Variants in DCAF12 observed in about 807,000 individuals in gnomAD.
DCAF12 encodes the protein DDB1 and CUL4 associated factor 12.
Under a neutral mutation model 52.8 loss-of-function variants are expected in DCAF12, and 28 were observed. The ratio of observed to expected loss-of-function variants is 0.53; its 90% CI spans 0.39 to 0.73. The LOEUF is 0.73. Ranked by LOEUF, DCAF12 falls within the 30% of genes least tolerant of loss-of-function variation. The probability of loss-of-function intolerance (pLI) is 0.00; values close to 1 mark genes in which losing one functional copy is unlikely to be tolerated. For synonymous variants in DCAF12, 196 were observed against 215.5 expected (o/e 0.91, Z 0.79); for missense variants, 425 against 552.2 (o/e 0.77, Z 2.31).
chr9:34,115,607 A>G (rs776530184), intron 2 of DCAF12, among the ~76,000 whole-genome samples: 23 of 150,566 alleles, frequency 1.5e-4, no homozygotes, highest in Non-Finnish European at 1.5e-4. Flanking sequence ...CAAAAAAAAA[A>G]AAGTATATAT....
intron 4 of DCAF12, 31 bp from the exon 5 acceptor site, chr9:34,098,548 T>C (rs772545356): frequency 3.8e-6 from 6 of 1,597,742 alleles, no homozygotes; most frequent in Non-Finnish European, 5.1e-6. Flanking sequence ...AGATGTCAGA[T>C]GTACCCACCC....
rs373695590 is a variant in DCAF12, at chr9:34,109,005, G to GT, written c.334-1441dup. Among the ~76,000 whole-genome samples the GT allele has an allele frequency of 2.8e-4, 38 of 137,686 alleles. 1 individual carries two copies. Among genetic ancestry groups the GT allele is most frequent in the East Asian group, 1.1e-3 (5 of 4,720 alleles). The allele number at this position is 137,686 out of a possible 152,430, so 90.3% of individuals were successfully genotyped here. A position where few individuals can be genotyped will look rare whatever the true frequency, so the allele number is the denominator to read the frequency against. On this transcript the variant is annotated intron_variant, in intron 2 of 8. Coordinates refer to ENST00000361264, the MANE Select transcript of DCAF12 (RefSeq NM_015397.4). Reference sequence around the variant, plus strand: ...GTTTTTATATATATATATATATATGGTTTTTTTTTTTTTCACTAGGAAAAT... The same window carrying GT: ...GTTTTTATATATATATATATATATGGTTTTTTTTTTTTTTCACTAGGAAAAT...
At chr9:34,097,671 G>A (rs1376971997) in intron 5 of DCAF12, among the ~76,000 whole-genome samples, 2 of 151,972 alleles carry the variant, frequency 1.3e-5, no homozygotes, top group South Asian at 2.1e-4. Context: ...GGTGGCTCAC[G>A]CCTGTAATCC....
chr9:34,106,171 C>A (rs1828901037), intron 4 of DCAF12, among the ~76,000 whole-genome samples: 1 of 152,188 alleles, frequency 6.6e-6, no homozygotes, highest in Non-Finnish European at 1.5e-5. Flanking sequence ...CAGCTTGATG[C>A]AGCCTGGTTC....
chr9:34,102,824 G>GC (rs1434770292), intron 4 of DCAF12, among the ~76,000 whole-genome samples: 7 of 146,628 alleles, frequency 4.8e-5, no homozygotes, highest in Non-Finnish European at 1.1e-4. Flanking sequence ...GACTGTAATC[G>GC]CAACACTTTG....
At chr9:34,114,317 C>T (rs1362807737) in intron 2 of DCAF12, among the ~76,000 whole-genome samples, 3 of 152,114 alleles carry the variant, frequency 2.0e-5, no homozygotes, top group African/African-American at 7.2e-5. Context: ...AATCCCAGTA[C>T]TTTGGGAGTC....
chr9:34,109,667 T>C (rs7875661), intron 2 of DCAF12: 2,693 of 160,496 alleles, frequency 0.017, 75 homozygotes, highest in African/African-American at 0.061. Context: ...TTGTCCTGTA[T>C]GGTCTGGATG....
intron 2 of DCAF12, among the ~76,000 whole-genome samples, chr9:34,120,203 C>CAAAA (rs34481024): frequency 1.1e-4 from 3 of 26,226 alleles, no homozygotes; most frequent in African/African-American, 3.8e-4. Context: ...AAGTCCGTCT[C>CAAAA]AAAAAAAAAA....
chr9:34,092,440 C>T (rs2131425674), intron 7 of DCAF12, among the ~76,000 whole-genome samples: 1 of 152,320 alleles, frequency 6.6e-6, no homozygotes, highest in African/African-American at 2.4e-5. Flanking sequence ...GTAATCTCAG[C>T]ACTTTGGAAG....
In DCAF12 at chr9:34,089,529, C is replaced by G. The variant is rs1190544935; in HGVS notation, c.1086G>C (p.Leu362=). ...TCTGAGCTCGGATGTCATAGAACAGCAGGGAGCCCTGCCCTGTTCCCACAG... is the reference window on the plus strand; with the variant it reads ...TCTGAGCTCGGATGTCATAGAACAGGAGGGAGCCCTGCCCTGTTCCCACAG... ...IITVGTGQGS[L]LFYDIRAQRF... Residue 362 remains leucine (L), a synonymous_variant, in exon 8 of 9, where the codon CTG becomes CTC. Transcript: ENST00000361264. 9 of 1,614,008 alleles carry G rather than the reference C, an allele frequency of 5.6e-6. No homozygotes were observed. The African/African-American group carries it at 8.0e-5, about 14-fold the overall frequency.
At chr9:34,097,587 G>C (rs1006088175) in intron 5 of DCAF12, among the ~76,000 whole-genome samples, 1 of 151,918 alleles carries the variant, frequency 6.6e-6, no homozygotes, top group Non-Finnish European at 1.5e-5. Context: ...CTCAGCATCA[G>C]ATCTGACTCA....
intron 7 of DCAF12, among the ~76,000 whole-genome samples, chr9:34,090,311 T>C (rs1828624263): frequency 1.3e-5 from 2 of 151,830 alleles, no homozygotes; most frequent in Admixed American, 1.3e-4. Flanking sequence ...TGATCCACCT[T>C]GGCCTCCCAA....
chr9:34,093,248 T>G, intron 7 of DCAF12, 38 bp downstream of exon 7: 4 of 1,612,538 alleles, frequency 2.5e-6, no homozygotes, highest in Non-Finnish European at 3.4e-6. Context: ...CCATATGCAG[T>G]GCAGCTGTAG....
intron 7 of DCAF12, among the ~76,000 whole-genome samples, chr9:34,090,746 C>T (rs1790108938): frequency 6.6e-6 from 1 of 151,928 alleles, no homozygotes; most frequent in African/African-American, 2.4e-5. Context: ...CCTCCACCTC[C>T]CAGATTCAAG....
chr9:34,101,469 C>T (rs1299599843), intron 4 of DCAF12, among the ~76,000 whole-genome samples: 1 of 151,674 alleles, frequency 6.6e-6, no homozygotes, highest in Admixed American at 6.6e-5. Flanking sequence ...CTTGGCTCAC[C>T]GCAACCTCTG....
At chr9:34,124,884 C>G in intron 2 of DCAF12, 139 bp downstream of exon 2, 4 of 1,101,204 alleles carry the variant, frequency 3.6e-6, no homozygotes, top group Non-Finnish European at 5.2e-6. Flanking sequence ...GAAGAAGTCA[C>G]CAACGGGAAA....
intron 2 of DCAF12, among the ~76,000 whole-genome samples, chr9:34,112,821 C>A (rs1829025525): frequency 2.6e-5 from 4 of 151,936 alleles, no homozygotes. Context: ...TCGCTTGAAC[C>A]CGGGAGGCAG....
chr9:34,089,207 C>T (rs893734277), intron 8 of DCAF12, among the ~76,000 whole-genome samples: 1 of 151,978 alleles, frequency 6.6e-6, no homozygotes. Context: ...CTAAGTCAAC[C>T]AGTGTGTTTT....
chr9:34,091,889 A>G (rs980690982), intron 7 of DCAF12, among the ~76,000 whole-genome samples: 1 of 152,168 alleles, frequency 6.6e-6, no homozygotes, highest in Non-Finnish European at 1.5e-5. Flanking sequence ...TTCCCCCATC[A>G]AGCTGTGTGA....
Sources: gnomAD v4.1 joint callset for allele counts (sites outside exome capture counted in the v4.1 genomes callset) on GRCh38, gnomAD v4.1.1 for gene constraint, MANE v1.5 for transcripts, NCBI Gene and HGNC (gene_info 2026-07-23, HGNC 2026-07-21) for gene names.